LAMA1: variants seen among roughly 807,000 people sequenced by gnomAD.
The protein encoded by LAMA1 is laminin subunit alpha-1.
Under a neutral mutation model 348.7 loss-of-function variants are expected in LAMA1, and 219 were observed. The ratio of observed to expected loss-of-function variants is 0.63; its 90% CI spans 0.56 to 0.70. The LOEUF is 0.70. LAMA1 is among the 30% of genes least tolerant of loss of function. The probability of loss-of-function intolerance (pLI) is 0.00; values close to 1 mark genes in which losing one functional copy is unlikely to be tolerated. For missense variants in LAMA1, 3,744 were observed against 3,888.0 expected (o/e 0.96, Z 0.99); for synonymous variants, 1,487 against 1,491.0 (o/e 1.00, Z 0.06).
rs796700507 is a variant in LAMA1 at position 6,971,230 on chromosome 18, G to A, written c.6899+627C>T. On this transcript the variant is annotated intron_variant, in intron 48 of 62. Coordinates refer to ENST00000389658, the MANE Select transcript of LAMA1 (RefSeq NM_005559.4). ...TATAAAATAATGGGTTGGGGGGGAA[G>A]ATGTTGCACTTGGTAAGGTTAAGTC... Among the ~76,000 whole-genome samples, 47 of 152,322 alleles carry A rather than the reference G, an allele frequency of 3.1e-4. 1 individual carries two copies. Among genetic ancestry groups the A allele is most frequent in the African/African-American group, 1.1e-3 (46 of 41,568 alleles).
intron 29 of LAMA1, among the ~76,000 whole-genome samples, chr18:7,005,148 T>C (rs1393515269): frequency 6.6e-6 from 1 of 152,198 alleles, no homozygotes; most frequent in Non-Finnish European, 1.5e-5. Flanking sequence ...TGAGGGTACG[T>C]GACTTGGAGG....
chr18:7,076,946 A>G lies in LAMA1; in HGVS notation c.345+3029T>C, dbSNP rs140010166. On this transcript the variant is annotated intron_variant, in intron 3 of 62. Coordinates refer to ENST00000389658, the MANE Select transcript of LAMA1 (RefSeq NM_005559.4). The stretch of plus-strand genomic sequence containing the variant: ...GTATTCACTGTAATATGCTTTCTAC[A>G]TATGCAAAAGTGTTTGTAATAAAAA... 42 of 152,302 alleles carry G rather than the reference A, an allele frequency of 2.8e-4. 1 individual carries two copies. In the East Asian group the frequency reaches 7.5e-3, roughly 27 times the overall value. 9.4% of individuals were successfully genotyped at this position (152,302 alleles called of 1,614,324 possible). A position where few individuals can be genotyped will look rare whatever the true frequency, so the allele number is the denominator to read the frequency against.
At chr18:7,038,265 G>C (rs1189000557) in intron 11 of LAMA1, among the ~76,000 whole-genome samples, 1 of 152,022 alleles carries the variant, frequency 6.6e-6, no homozygotes, top group African/African-American at 2.4e-5. Context: ...CTCCTCCCTT[G>C]CCTGCAGCCA....
chr18:7,024,773 G>A (rs1306348643), intron 17 of LAMA1, among the ~76,000 whole-genome samples: 2 of 152,160 alleles, frequency 1.3e-5, no homozygotes, highest in African/African-American at 4.8e-5. Context: ...CAGCCCCAGT[G>A]CCCAACTCAG....
At chr18:7,031,864 C>A (rs2057970674) in intron 16 of LAMA1, among the ~76,000 whole-genome samples, 3 of 135,212 alleles carry the variant, frequency 2.2e-5, no homozygotes, top group African/African-American at 2.9e-5. Context: ...CCACTATTAC[C>A]AAAGTAACTT....
At chr18:6,999,873 G>A in intron 31 of LAMA1, 38 bp downstream of exon 31, 3 of 1,560,266 alleles carry the variant, frequency 1.9e-6, no homozygotes, top group Non-Finnish European at 2.7e-6. Context: ...AAGAAACAGA[G>A]TGCCCAGGGA....
chr18:7,032,864 G>T lies in LAMA1; in HGVS notation c.2163+120C>A. 2.8e-5 allele frequency: 21 copies of T among 761,044 alleles called. No homozygotes were observed. The South Asian group carries it at 2.8e-4, about 10-fold the overall frequency. The allele number at this position is 761,044 out of a possible 1,614,324, so 47.1% of individuals were successfully genotyped here. On this transcript the variant is annotated intron_variant, in intron 15 of 62. Transcript: ENST00000389658. ...ATATTTCTATTGCCCAAAAAAGACT[G>T]AGCCAAACATTGGGCTGCTAAAGCT...
intron 1 of LAMA1, among the ~76,000 whole-genome samples, chr18:7,112,625 T>A (rs956664790): frequency 3.5e-5 from 5 of 140,858 alleles, no homozygotes; most frequent in Non-Finnish European, 6.0e-5. Context: ...TATATGTATT[T>A]TATATATATA....
intron 46 of LAMA1, among the ~76,000 whole-genome samples, chr18:6,973,586 A>C (rs749495837): frequency 2.6e-5 from 4 of 152,192 alleles, no homozygotes; most frequent in Non-Finnish European, 4.4e-5. Context: ...GATTTTAAAA[A>C]GAAGAATTTT....
intron 16 of LAMA1, among the ~76,000 whole-genome samples, chr18:7,030,511 C>T (rs1245806622): frequency 6.6e-6 from 1 of 152,080 alleles, no homozygotes; most frequent in Non-Finnish European, 1.5e-5. Flanking sequence ...TATCGTGCTA[C>T]TTCTTCATTC....
At chr18:7,114,976 C>A (rs996093902) in intron 1 of LAMA1, among the ~76,000 whole-genome samples, 16 of 152,050 alleles carry the variant, frequency 1.1e-4, no homozygotes, top group African/African-American at 2.9e-4. Context: ...AGATTAACTA[C>A]AGATGTAGGC....
chr18:7,082,402 C>G (rs949997164), intron 1 of LAMA1, among the ~76,000 whole-genome samples: 1 of 151,988 alleles, frequency 6.6e-6, no homozygotes, highest in African/African-American at 2.4e-5. Flanking sequence ...ATGCTTTATG[C>G]GGAACCAGAT....
At chr18:7,111,039 G>C (rs1180549974) in intron 1 of LAMA1, among the ~76,000 whole-genome samples, 2 of 152,076 alleles carry the variant, frequency 1.3e-5, no homozygotes, top group Non-Finnish European at 2.9e-5. Context: ...AAATACTTTC[G>C]GGAATGAGAA....
At chr18:6,942,812 AAATACAT>A (rs1165006799) in intron 62 of LAMA1, among the ~76,000 whole-genome samples, 8 of 152,214 alleles carry the variant, frequency 5.3e-5, no homozygotes, top group African/African-American at 1.9e-4. Flanking sequence ...GGAACATCTA[AAATACAT>A]AATTCTAATC....
At chr18:7,000,269 T>A (rs1346523539) in intron 30 of LAMA1, among the ~76,000 whole-genome samples, 1 of 152,162 alleles carries the variant, frequency 6.6e-6, no homozygotes, top group East Asian at 1.9e-4. Flanking sequence ...ACCTTAGGGA[T>A]TATCACTAAT....
rs1321582845 is a variant in LAMA1, at chr18:6,955,370, C to CTGAT, written c.8186_8189dup (p.Ala2732ValfsTer10). The CTGAT allele has an allele frequency of 3.7e-6, 6 of 1,613,898 alleles. No individual in the cohort carries two copies. Among genetic ancestry groups the CTGAT allele is most frequent in the Non-Finnish European group, 4.2e-6 (5 of 1,179,948 alleles). ...ATACCTACTTCTTTCTGACAGCCGA[C>CTGAT]TGATTAAAAGGCAAGATGAAATGGC... is the stretch of plus-strand genomic sequence containing the variant. On this transcript the variant is annotated frameshift_variant, in exon 57 of 63. Coordinates refer to ENST00000389658, the MANE Select transcript of LAMA1 (RefSeq NM_005559.4). LOFTEE classifies it high-confidence loss of function.
intron 16 of LAMA1, among the ~76,000 whole-genome samples, chr18:7,027,240 A>G (rs977008856): frequency 6.6e-6 from 1 of 152,206 alleles, no homozygotes; most frequent in Admixed American, 6.5e-5. Flanking sequence ...TGATAAGTGT[A>G]CTATGGTTAT....
chr18:7,076,145 G>C (rs957626158), intron 3 of LAMA1, among the ~76,000 whole-genome samples: 2 of 152,140 alleles, frequency 1.3e-5, no homozygotes, highest in African/African-American at 2.4e-5. Flanking sequence ...TTGGCTAATG[G>C]CTAAGGAAAC....
chr18:6,992,725 G>A lies in LAMA1; in HGVS notation c.5009-5C>T. On this transcript the variant is annotated splice_polypyrimidine_tract_variant and splice_region_variant and intron_variant, in intron 35 of 62. Transcript: ENST00000389658. ...AAGTTGTCTTTTCCATAATTTCTATGGAGAAAATTCATCAATTATTTAATA... is the reference window on the plus strand; with the variant it reads ...AAGTTGTCTTTTCCATAATTTCTATAGAGAAAATTCATCAATTATTTAATA... 6.2e-7 allele frequency: 1 copy of A among 1,610,894 alleles called. No individual in the cohort carries two copies. Among genetic ancestry groups the A allele is most frequent in the Non-Finnish European group, 8.5e-7 (1 of 1,177,140 alleles).
Sources: allele counts gnomAD v4.1 joint callset (sites outside exome capture counted in the v4.1 genomes callset), GRCh38; gene constraint gnomAD v4.1.1; transcripts MANE v1.5; gene names NCBI Gene and HGNC (gene_info 2026-07-23, HGNC 2026-07-21).